ERC1: variants seen among roughly 807,000 people sequenced by gnomAD.
The protein encoded by ERC1 is ELKS/RAB6-interacting/CAST family member 1, also known as RAB6 interacting protein 2.
A neutral mutation model predicts 132.0 loss-of-function variants in ERC1; 56 were observed. The ratio of observed to expected loss-of-function variants is 0.42; its 90% CI spans 0.34 to 0.53. ERC1 has a LOEUF of 0.53. Among genes scored for constraint, ERC1 ranks in the 20% least tolerant of loss-of-function variants. ERC1 has a pLI of 0.03. For synonymous variants in ERC1, 478 were observed against 476.1 expected (o/e 1.00, Z -0.05); for missense variants, 1,202 against 1,349.9 (o/e 0.89, Z 1.72).
intron 2 of ERC1, among the ~76,000 whole-genome samples, chr12:1,045,647 G>C (rs1426419893): frequency 6.6e-6 from 1 of 152,118 alleles, no homozygotes; most frequent in African/African-American, 2.4e-5. Context: ...CATCTAGCAA[G>C]TGACAGATAT....
At chr12:1,158,330 G>A (rs1483509292) in intron 8 of ERC1, among the ~76,000 whole-genome samples, 3 of 152,056 alleles carry the variant, frequency 2.0e-5, no homozygotes, top group Admixed American at 6.5e-5. Flanking sequence ...ATTGCTTACT[G>A]TAATTATGAT....
intron 14 of ERC1, among the ~76,000 whole-genome samples, chr12:1,269,582 C>A (rs1438258278): frequency 6.6e-6 from 1 of 152,068 alleles, no homozygotes; most frequent in African/African-American, 2.4e-5. Context: ...TTTAAAAGAT[C>A]ATTCTGGGTG....
intron 17 of ERC1, among the ~76,000 whole-genome samples, chr12:1,418,605 TTCTTTCTTTCTTTC>T (rs1476260706): frequency 1.7e-5 from 1 of 57,534 alleles, no homozygotes; most frequent in African/African-American, 9.4e-5. Context: ...CTTTCTTTCT[TTCTTTCTTTCTTTC>T]TTTCTTTCTT....
At chr12:1,237,142 T>A (rs1241394912) in intron 13 of ERC1, among the ~76,000 whole-genome samples, 2 of 152,212 alleles carry the variant, frequency 1.3e-5, no homozygotes, top group African/African-American at 4.8e-5. Flanking sequence ...TGCTTCAAGT[T>A]GATCACACTT....
intron 2 of ERC1, among the ~76,000 whole-genome samples, chr12:1,032,864 G>T (rs1592820833): frequency 6.8e-6 from 1 of 146,090 alleles, no homozygotes. Flanking sequence ...ACATTCTCAG[G>T]TTTTTTTTTT....
chr12:1,321,400 A>G (rs1035585643), intron 15 of ERC1, among the ~76,000 whole-genome samples: 2 of 152,156 alleles, frequency 1.3e-5, no homozygotes, highest in Non-Finnish European at 2.9e-5. Context: ...AAAGGTAGCA[A>G]TTGCCTGTTG....
At chr12:1,291,232 G>T (rs901700638) in intron 15 of ERC1, among the ~76,000 whole-genome samples, 1 of 152,164 alleles carries the variant, frequency 6.6e-6, no homozygotes, top group Non-Finnish European at 1.5e-5. Context: ...TGTCCTTTTA[G>T]AAAAGCATTA....
chr12:1,094,759 C>G (rs1180161676), intron 3 of ERC1, among the ~76,000 whole-genome samples: 1 of 152,072 alleles, frequency 6.6e-6, no homozygotes, highest in Non-Finnish European at 1.5e-5. Context: ...TCCATTTTGA[C>G]AAGGTGACAT....
chr12:1,255,634 T>G (rs2076757229), intron 13 of ERC1, among the ~76,000 whole-genome samples: 1 of 128,406 alleles, frequency 7.8e-6, no homozygotes, highest in African/African-American at 3.1e-5. Flanking sequence ...TTTTTTTTTT[T>G]TTTTTTTTTT....
intron 2 of ERC1, among the ~76,000 whole-genome samples, chr12:1,050,003 A>T (rs1162326952): frequency 6.6e-6 from 1 of 152,140 alleles, no homozygotes; most frequent in African/African-American, 2.4e-5. Context: ...TCGGCCTCCC[A>T]AAGTGCTGGG....
At chr12:1,167,208 T>C (rs1403767040) in intron 8 of ERC1, among the ~76,000 whole-genome samples, 1 of 152,240 alleles carries the variant, frequency 6.6e-6, no homozygotes, top group East Asian at 1.9e-4. Context: ...AGCAGGAACT[T>C]GTCAGAGTAG....
At chr12:1,167,732 TC>T (rs1349329080) in intron 8 of ERC1, among the ~76,000 whole-genome samples, 1 of 150,512 alleles carries the variant, frequency 6.6e-6, no homozygotes, top group Admixed American at 6.6e-5. Context: ...TTTTTTTTTT[TC>T]CGAGATGGAG....
chr12:1,483,668 CTTTTTTTTTTTTTTTTTTTTTT>C (rs35596394), intron 18 of ERC1, among the ~76,000 whole-genome samples: 65 of 55,220 alleles, frequency 1.2e-3, no homozygotes, highest in Middle Eastern at 0.027. Context: ...CCACTGAGAG[CTTTTTTTTTTTTTTTTTTTTTT>C]TTTTTTTTTT....
At chr12:1,455,475 C>T (rs909903428) in intron 18 of ERC1, among the ~76,000 whole-genome samples, 3 of 152,144 alleles carry the variant, frequency 2.0e-5, no homozygotes, top group Admixed American at 6.5e-5. Context: ...TCAGAATCGC[C>T]GATCACTGAA....
intron 13 of ERC1, chr12:1,244,543 ACAGGGTCTT>A: frequency 2.3e-6 from 1 of 437,372 alleles, no homozygotes; most frequent in South Asian, 1.6e-5. Context: ...TGTTTTTAAG[ACAGGGTCTT>A]GCTCTATGAC....
chr12:1,359,207 G>A (rs2085837228), intron 15 of ERC1, among the ~76,000 whole-genome samples: 1 of 152,156 alleles, frequency 6.6e-6, no homozygotes, highest in Admixed American at 6.5e-5. Flanking sequence ...ATGGTGAGGG[G>A]TTGGATAATC....
At chr12:1,444,236 G>A (rs1376565593) in intron 17 of ERC1, 2 of 176,490 alleles carry the variant, frequency 1.1e-5, no homozygotes, top group Non-Finnish European at 2.4e-5. Flanking sequence ...GAGTCTTTCT[G>A]TATCAGGAAT....
chr12:1,335,181 A>G (rs1340475408), intron 15 of ERC1, among the ~76,000 whole-genome samples: 1 of 152,190 alleles, frequency 6.6e-6, no homozygotes, highest in Non-Finnish European at 1.5e-5. Flanking sequence ...AAACAGGGAT[A>G]GTTTAATTTC....
At chr12:1,097,482 C>T (rs1944183995) in intron 3 of ERC1, among the ~76,000 whole-genome samples, 1 of 152,120 alleles carries the variant, frequency 6.6e-6, no homozygotes, top group African/African-American at 2.4e-5. Flanking sequence ...GCTGTTCTCC[C>T]CACTATTTGG....
Sources: allele counts gnomAD v4.1 joint callset (sites outside exome capture counted in the v4.1 genomes callset), GRCh38; gene constraint gnomAD v4.1.1; transcripts MANE v1.5; gene names NCBI Gene and HGNC (gene_info 2026-07-23, HGNC 2026-07-21).